The following UNC79 variants were observed in gnomAD, a reference collection of about 807,000 sequenced individuals.
UNC79 encodes protein unc-79 homolog.
A neutral mutation model predicts 283.1 loss-of-function variants in UNC79; 37 were observed. That is an observed-to-expected ratio of 0.13 (90% CI 0.10 to 0.17). The LOEUF (loss-of-function observed/expected upper bound fraction) is 0.17. UNC79 is among the 10% of genes least tolerant of loss of function. The pLI is 1.00. For missense variants in UNC79, 2,272 were observed against 3,211.1 expected, an observed-to-expected ratio of 0.71 and a Z score of 7.07; for synonymous variants, 1,107 against 1,200.2, an observed-to-expected ratio of 0.92 and a Z score of 1.61.
chr14:93,500,082 C>CTT (rs1353215321), intron 7 of UNC79, among the ~76,000 whole-genome samples: 1 of 152,116 alleles, frequency 6.6e-6, no homozygotes, highest in Non-Finnish European at 1.5e-5. Flanking sequence ...CAGGCACAGG[C>CTT]TTTAGATGGA....
chr14:93,575,319 T>C lies in UNC79; in HGVS notation c.2211+121T>C, dbSNP rs1440575197. The C allele has an allele frequency of 3.3e-6, 4 of 1,213,076 alleles. No individual in the cohort carries two copies. In the African/African-American group the frequency reaches 6.2e-5, roughly 19 times the overall value. 75.1% of individuals were successfully genotyped at this position (1,213,076 alleles called of 1,614,324 possible). A position where few individuals can be genotyped will look rare whatever the true frequency, so the allele number is the denominator to read the frequency against. ...AAAATGTGTTTTCAGCCCATCTCGC[T>C]GTGTTCATCTTTTAAGTGCATTAAA... is the stretch of plus-strand genomic sequence containing the variant. On this transcript the variant is annotated intron_variant, in intron 17 of 48. Coordinates refer to ENST00000555664, the Ensembl canonical transcript of UNC79.
intron 22 of UNC79, among the ~76,000 whole-genome samples, chr14:93,588,789 T>G (rs900217908): frequency 6.7e-6 from 1 of 149,444 alleles, no homozygotes; most frequent in Non-Finnish European, 1.5e-5. Context: ...CCGAACATAT[T>G]TATGGTCAGT....
At chr14:93,459,731 C>T (rs1437191029) in intron 1 of UNC79, among the ~76,000 whole-genome samples, 2 of 115,826 alleles carry the variant, frequency 1.7e-5, no homozygotes, top group African/African-American at 3.4e-5. Context: ...ACTGCAGTGG[C>T]GCTATCCCGG....
intron 1 of UNC79, chr14:93,348,230 T>C (rs2053909536): frequency 1.5e-6 from 1 of 679,930 alleles, no homozygotes; most frequent in Non-Finnish European, 2.7e-6. Flanking sequence ...CATTGTGGTA[T>C]TCACTTTCCT....
intron 29 of UNC79, among the ~76,000 whole-genome samples, chr14:93,620,013 A>G (rs2067006979): frequency 6.6e-6 from 1 of 152,238 alleles, no homozygotes; most frequent in Non-Finnish European, 1.5e-5. Flanking sequence ...CTCTTTCCTC[A>G]TTAACATATT....
In UNC79 at chr14:93,572,922, C is replaced by G. The variant is rs143993793; in HGVS notation, c.2070+106C>G. On this transcript the variant is annotated intron_variant, in intron 16 of 48. Transcript: ENST00000555664. The stretch of plus-strand genomic sequence containing the variant: ...AGTTATAGCAAAGACTTCGTAAGTC[C>G]CCATGTTTGCCAAGAAAGTGTATCT... The G allele has an allele frequency of 3.5e-6, 5 of 1,423,696 alleles. No homozygotes were observed. The African/African-American group carries it at 5.7e-5, about 16-fold the overall frequency. The allele number at this position is 1,423,696 out of a possible 1,614,324, so 88.2% of individuals were successfully genotyped here.
Position 93,593,572 on chromosome 14 carries a change from C to T in UNC79, c.3033-108C>T. 2.2e-6 allele frequency: 3 copies of T among 1,348,368 alleles called. No homozygotes were observed. The South Asian group carries it at 4.4e-5, about 20-fold the overall frequency. 83.5% of individuals were successfully genotyped at this position (1,348,368 alleles called of 1,614,324 possible). On this transcript the variant is annotated intron_variant, in intron 22 of 48. Transcript: ENST00000555664. ...ATGAGTGTCATTTCACCAAAAGCAC[C>T]CCTACCCACCGTCTTGTAACTACTC...
At chr14:93,468,548 G>A (rs1434096026) in intron 2 of UNC79, among the ~76,000 whole-genome samples, 2 of 152,192 alleles carry the variant, frequency 1.3e-5, no homozygotes, top group Non-Finnish European at 2.9e-5. Context: ...CACATAAATT[G>A]GCTTGGTACT....
chr14:93,630,962 C>A (rs774761368), intron 31 of UNC79, 54 bp downstream of exon 33: 13 of 1,487,474 alleles, frequency 8.7e-6, no homozygotes, highest in Non-Finnish European at 1.2e-5. Flanking sequence ...GGAACACTGT[C>A]TGCTGCCTTG....
chr14:93,493,894 TATATATA>T lies in UNC79; in HGVS notation c.713-2516_713-2510del, dbSNP rs369881644. ...TGCCACATATATATATATATATATA[TATATATA>T]TTTTTTTTTTTTTTTTTTTGAGATA... On this transcript the variant is annotated intron_variant, in intron 5 of 48. Transcript: ENST00000555664. Among the ~76,000 whole-genome samples the T allele has an allele frequency of 4.0e-3, 254 of 63,732 alleles. 3 individuals carry two copies. Among genetic ancestry groups the T allele is most frequent in the Middle Eastern group, 0.034 (3 of 88 alleles). 41.8% of individuals were successfully genotyped at this position (63,732 alleles called of 152,430 possible).
chr14:93,421,462 T>G (rs556236330), intron 1 of UNC79, among the ~76,000 whole-genome samples: 3 of 151,676 alleles, frequency 2.0e-5, no homozygotes, highest in Non-Finnish European at 4.4e-5. Flanking sequence ...GAAGCCATAA[T>G]AAAGTCTCCA....
chr14:93,542,064 G>T (rs911368497), intron 13 of UNC79, among the ~76,000 whole-genome samples: 2 of 150,844 alleles, frequency 1.3e-5, no homozygotes, highest in African/African-American at 4.9e-5. Flanking sequence ...GGACTCCAAG[G>T]TATCTGAATT....
At chr14:93,449,494 T>G (rs983063004) in intron 1 of UNC79, among the ~76,000 whole-genome samples, 2 of 152,034 alleles carry the variant, frequency 1.3e-5, no homozygotes, top group Admixed American at 6.6e-5. Context: ...GGTGCATGCC[T>G]TTAATCCCAG....
chr14:93,547,677 C>G (rs2061669861), intron 14 of UNC79, among the ~76,000 whole-genome samples: 1 of 152,030 alleles, frequency 6.6e-6, no homozygotes, highest in Admixed American at 6.6e-5. Flanking sequence ...CTTAAATAGT[C>G]TAGGACATGA....
chr14:93,599,183 G>A (rs1373809432), intron 24 of UNC79, among the ~76,000 whole-genome samples: 1 of 152,194 alleles, frequency 6.6e-6, no homozygotes, highest in Non-Finnish European at 1.5e-5. Flanking sequence ...TGTTAAAAGT[G>A]TCCTGTTATG....
intron 7 of UNC79, among the ~76,000 whole-genome samples, chr14:93,510,389 T>C (rs544428790): frequency 5.9e-5 from 9 of 152,336 alleles, no homozygotes; most frequent in South Asian, 4.1e-4. Flanking sequence ...TTTTACCACA[T>C]GGTCAGGCTG....
intron 40 of UNC79, among the ~76,000 whole-genome samples, chr14:93,664,529 T>A (rs2071953830): frequency 6.6e-6 from 1 of 152,160 alleles, no homozygotes; most frequent in Admixed American, 6.6e-5. Context: ...GGGAGTTTGA[T>A]CTGAGTTATC....
At chr14:93,542,954 T>TG (rs2061439976) in intron 14 of UNC79, among the ~76,000 whole-genome samples, 1 of 75,214 alleles carries the variant, frequency 1.3e-5, no homozygotes, top group Non-Finnish European at 2.6e-5. Context: ...TCGACATTGC[T>TG]GATTTTTTTT....
chr14:93,581,484 CTTTTTTTTTTTTTT>C (rs569060513), intron 19 of UNC79, among the ~76,000 whole-genome samples: 2 of 100,648 alleles, frequency 2.0e-5, no homozygotes, highest in Non-Finnish European at 1.9e-5. Context: ...GTATTTGCAT[CTTTTTTTTTTTTTT>C]TTTTTTTTTT....
Sources: allele counts gnomAD v4.1 joint callset (sites outside exome capture counted in the v4.1 genomes callset), GRCh38; gene constraint gnomAD v4.1.1; transcripts MANE v1.5; gene names NCBI Gene and HGNC (gene_info 2026-07-23, HGNC 2026-07-21).